The following ASXL3 variants were observed in gnomAD, a reference collection of about 807,000 sequenced individuals.
ASXL3 encodes the protein putative Polycomb group protein ASXL3.
In ASXL3, 34 loss-of-function variants were observed where a neutral mutation model predicts 170.6. That is an observed-to-expected ratio of 0.20 (90% confidence interval 0.15 to 0.27). The LOEUF (loss-of-function observed/expected upper bound fraction) is 0.27, where lower values mean the gene tolerates loss of function less well. ASXL3 is among the 10% of genes least tolerant of loss of function. The pLI, the probability that ASXL3 is intolerant of heterozygous loss-of-function variation, is 1.00. For synonymous variants in ASXL3, 1,002 were observed against 989.1 expected, an observed-to-expected ratio of 1.01 and a Z score of -0.24; for missense variants, 2,592 against 2,695.3, an observed-to-expected ratio of 0.96 and a Z score of 0.85.
rs1599585911 is a variant in ASXL3 at position 33,750,547 on chromosome 18, T to C, written c.*3952T>C. The stretch of plus-strand genomic sequence containing the variant: ...CATATTTTCAGTAGTTTTTTTTTTT[T>C]AATGTGTGTTCGTTTGTACAATTTT... On this transcript the variant is annotated 3_prime_UTR_variant, in exon 12 of 12. Coordinates refer to ENST00000269197, the MANE Select transcript of ASXL3 (RefSeq NM_030632.3). 1 of 143,200 alleles carries C rather than the reference T, an allele frequency of 7.0e-6. No individual in the cohort carries two copies. 8.9% of individuals were successfully genotyped at this position (143,200 alleles called of 1,614,324 possible). A position where few individuals can be genotyped will look rare whatever the true frequency, so the allele number is the denominator to read the frequency against.
chr18:33,669,617 C>T (rs867211285), intron 5 of ASXL3, among the ~76,000 whole-genome samples: 14 of 152,198 alleles, frequency 9.2e-5, no homozygotes, highest in Middle Eastern at 3.4e-3. Flanking sequence ...AATAAAAGGA[C>T]ATCGTTTTTT....
chr18:33,612,023 G>A (rs952258063), intron 2 of ASXL3, among the ~76,000 whole-genome samples: 19 of 152,008 alleles, frequency 1.2e-4, no homozygotes, highest in Non-Finnish European at 7.4e-5. Flanking sequence ...CATAGTGAGA[G>A]CAAAACAACC....
At chr18:33,666,470 G>C (rs1452958217) in intron 5 of ASXL3, among the ~76,000 whole-genome samples, 3 of 152,112 alleles carry the variant, frequency 2.0e-5, no homozygotes, top group African/African-American at 7.2e-5. Context: ...GTACCCCTGT[G>C]CAGGACACAG....
At chr18:33,657,322 G>T (rs1599455407) in intron 4 of ASXL3, among the ~76,000 whole-genome samples, 1 of 152,202 alleles carries the variant, frequency 6.6e-6, no homozygotes, top group East Asian at 1.9e-4. Context: ...CTCCAGATTG[G>T]CTGGATTATA....
chr18:33,690,704 T>A (rs2066673207), intron 8 of ASXL3, among the ~76,000 whole-genome samples: 1 of 152,180 alleles, frequency 6.6e-6, no homozygotes, highest in Non-Finnish European at 1.5e-5. Context: ...CCAGCTCCTC[T>A]TACTCTTAAT....
chr18:33,673,731 G>C (rs1184967652), intron 7 of ASXL3, among the ~76,000 whole-genome samples: 6 of 152,120 alleles, frequency 3.9e-5, no homozygotes, highest in African/African-American at 1.4e-4. Context: ...ATCAGAATTT[G>C]TTTTAATACT....
Position 33,748,289 on chromosome 18 carries a change from A to G in ASXL3, c.*1694A>G, listed in dbSNP as rs1041895187. On this transcript the variant is annotated 3_prime_UTR_variant, in exon 12 of 12. Coordinates refer to ENST00000269197, the MANE Select transcript of ASXL3 (RefSeq NM_030632.3). ...AAACAAGAACACTTGTGATTTTTTT[A>G]TAATAACCAACTATATAATATGTTT... is the stretch of plus-strand genomic sequence containing the variant. 2 of 152,230 alleles carry G rather than the reference A, an allele frequency of 1.3e-5. No individual in the cohort carries two copies. The highest frequency in any genetic ancestry group is 2.9e-5 in the Non-Finnish European group (2 of 68,032). The allele number at this position is 152,230 out of a possible 1,614,324, so 9.4% of individuals were successfully genotyped here.
intron 4 of ASXL3, chr18:33,649,705 G>A (rs1162742560): frequency 1.3e-5 from 2 of 152,118 alleles, no homozygotes; most frequent in Non-Finnish European, 2.9e-5. Context: ...GAGTAATGAA[G>A]GCAAATGTCC....
chr18:33,694,894 C>T (rs932314394), intron 8 of ASXL3, among the ~76,000 whole-genome samples: 10 of 152,210 alleles, frequency 6.6e-5, no homozygotes, highest in Non-Finnish European at 1.3e-4. Context: ...ATGGATGTGT[C>T]TGTCAGACAT....
chr18:33,668,369 A>C (rs926892181), intron 5 of ASXL3, among the ~76,000 whole-genome samples: 2 of 151,172 alleles, frequency 1.3e-5, no homozygotes, highest in African/African-American at 4.9e-5. Flanking sequence ...TGGAGCTTGC[A>C]GTGAGCCGAG....
Position 33,578,458 on chromosome 18 carries a change from CCCGCCGCCGCCGCCGCCGCCG to C in ASXL3, c.-153_-133del, listed in dbSNP as rs552419485. 5.9e-4 allele frequency: 56 copies of C among 94,228 alleles called. 1 individual carries two copies. The highest frequency in any genetic ancestry group is 5.2e-3 in the Middle Eastern group (1 of 192). 5.8% of individuals were successfully genotyped at this position (94,228 alleles called of 1,614,324 possible). A position where few individuals can be genotyped will look rare whatever the true frequency, so the allele number is the denominator to read the frequency against. ...CCACCCCCTCGCTCCATCCCTCCCA[CCCGCCGCCGCCGCCGCCGCCG>C]CCGCCGCCGCCGCCGCCGCCACCGC... On this transcript the variant is annotated 5_prime_UTR_variant, in exon 1 of 12. Transcript: ENST00000269197.
intron 8 of ASXL3, among the ~76,000 whole-genome samples, chr18:33,719,205 G>A (rs1357947273): frequency 6.6e-6 from 1 of 151,910 alleles, no homozygotes. Context: ...TTCATAACAA[G>A]GTTCCTTACC....
At chr18:33,631,735 C>A (rs1234412424) in intron 2 of ASXL3, among the ~76,000 whole-genome samples, 1 of 152,052 alleles carries the variant, frequency 6.6e-6, no homozygotes, top group Non-Finnish European at 1.5e-5. Context: ...CAGCCCCATC[C>A]AGATATTTTT....
intron 7 of ASXL3, among the ~76,000 whole-genome samples, chr18:33,676,056 C>T (rs2066422623): frequency 6.6e-6 from 1 of 151,380 alleles, no homozygotes; most frequent in Admixed American, 6.6e-5. Flanking sequence ...AACCCCGTCT[C>T]TACTAAAACT....
At chr18:33,651,898 A>T (rs1242729511) in intron 4 of ASXL3, among the ~76,000 whole-genome samples, 1 of 152,090 alleles carries the variant, frequency 6.6e-6, no homozygotes, top group Non-Finnish European at 1.5e-5. Flanking sequence ...TTTTGTTGAA[A>T]AATTTTACAA....
In ASXL3 at chr18:33,718,632, A is replaced by C. The variant is rs183995950; in HGVS notation, c.880-13336A>C. ...AGTTGCTGGCAGAATTCATTTTCTT[A>C]CAGTGGTGGGGCTGAAGACCACAGC... On this transcript the variant is annotated intron_variant, in intron 8 of 11. Transcript: ENST00000269197. 1.2e-4 allele frequency among the ~76,000 whole-genome samples: 18 copies of C among 151,958 alleles called. No homozygotes were observed. The East Asian group carries it at 3.5e-3, about 29-fold the overall frequency.
chr18:33,718,624 A>G (rs1215248060), intron 8 of ASXL3, among the ~76,000 whole-genome samples: 8 of 151,586 alleles, frequency 5.3e-5, no homozygotes, highest in African/African-American at 1.9e-4. Flanking sequence ...GGCAGAATTC[A>G]TTTTCTTACA....
At chr18:33,711,405 C>G (rs946907475) in intron 8 of ASXL3, among the ~76,000 whole-genome samples, 1 of 152,102 alleles carries the variant, frequency 6.6e-6, no homozygotes, top group Non-Finnish European at 1.5e-5. Flanking sequence ...TTTGGCTGGA[C>G]TCCTCTTGTC....
chr18:33,634,845 A>G (rs554134458), intron 2 of ASXL3, among the ~76,000 whole-genome samples: 2 of 152,312 alleles, frequency 1.3e-5, no homozygotes, highest in South Asian at 4.1e-4. Flanking sequence ...TATGAGGTGA[A>G]CACCTAGAAT....
Sources: allele counts gnomAD v4.1 joint callset (sites outside exome capture counted in the v4.1 genomes callset), GRCh38; gene constraint gnomAD v4.1.1; transcripts MANE v1.5; gene names NCBI Gene and HGNC (gene_info 2026-07-23, HGNC 2026-07-21).